Variants in GABRA3 observed in about 807,000 individuals in gnomAD.
The protein encoded by GABRA3 is gamma-aminobutyric acid type A receptor subunit alpha3.
A neutral mutation model predicts 30.1 loss-of-function variants in GABRA3; 10 were observed. The ratio of observed to expected loss-of-function variants is 0.33; its 90% CI spans 0.20 to 0.56. The LOEUF (loss-of-function observed/expected upper bound fraction) is 0.56. Ranked by LOEUF, GABRA3 falls within the 20% of genes least tolerant of loss-of-function variation. The pLI is 0.89. For missense variants in GABRA3, 233 were observed against 392.0 expected, an observed-to-expected ratio of 0.59 and a Z score of 3.42; for synonymous variants, 151 against 146.8, an observed-to-expected ratio of 1.03 and a Z score of -0.21.
intron 2 of GABRA3, among the ~76,000 whole-genome samples, chrX:152,363,907 C>T (rs1226902966): frequency 1.8e-5 from 2 of 111,726 alleles, no homozygotes; most frequent in African/African-American, 6.5e-5. Context: ...GCCATCTTGG[C>T]TGCAGAAGTT....
chrX:152,302,507 A>T (rs1296633248), intron 3 of GABRA3, among the ~76,000 whole-genome samples: 46 of 111,236 alleles, frequency 4.1e-4, no homozygotes, highest in Non-Finnish European at 5.7e-5. Flanking sequence ...TGGGGATGGG[A>T]CCCAAATCTA....
At chrX:152,445,212 G>A (rs1441044409) in intron 1 of GABRA3, among the ~76,000 whole-genome samples, 1 of 109,156 alleles carries the variant, frequency 9.2e-6, no homozygotes, top group South Asian at 3.9e-4. Flanking sequence ...ACATCAATAC[G>A]TTTAAAATCA....
At chrX:152,431,498 T>C (rs888361078) in intron 1 of GABRA3, among the ~76,000 whole-genome samples, 2 of 111,763 alleles carry the variant, frequency 1.8e-5, no homozygotes, top group South Asian at 3.7e-4. Context: ...AAATGAAAAG[T>C]AATGCTCTTA....
chrX:152,178,268 G>A (rs984785160), intron 9 of GABRA3, among the ~76,000 whole-genome samples: 108 of 109,025 alleles, frequency 9.9e-4, no homozygotes, highest in Middle Eastern at 4.7e-3. Flanking sequence ...GTGTGTGTGC[G>A]TGTGTGTGTG....
rs1188415434 is a variant in GABRA3, at chrX:152,424,936, T to C, written c.-27+26210A>G. On this transcript the variant is annotated intron_variant, in intron 1 of 9. Transcript: ENST00000370314. ...TATTTTCTTTTTCTTTTCTTTTTTT[T>C]TTTTTTTTTTTTTTTTTACAGGGTG... is the stretch of plus-strand genomic sequence containing the variant. 8.8e-5 allele frequency among the ~76,000 whole-genome samples: 8 copies of C among 91,358 alleles called. No individual in the cohort carries two copies. In the East Asian group the frequency reaches 1.0e-3, roughly 12 times the overall value. The allele number at this position is 91,358 out of a possible 115,157, so 79.3% of individuals were successfully genotyped here. A position where few individuals can be genotyped will look rare whatever the true frequency, so the allele number is the denominator to read the frequency against.
intron 9 of GABRA3, among the ~76,000 whole-genome samples, chrX:152,174,009 C>T (rs1937038976): frequency 1.8e-5 from 2 of 109,898 alleles, no homozygotes; most frequent in African/African-American, 6.6e-5. Flanking sequence ...TCTCATTGTT[C>T]AATTCCCACC....
chrX:152,379,362 C>A (rs1018938482), intron 1 of GABRA3, among the ~76,000 whole-genome samples: 12 of 111,071 alleles, frequency 1.1e-4, no homozygotes, highest in Non-Finnish European at 2.3e-4. Context: ...CTAAATAACT[C>A]ATGGTGAAAT....
chrX:152,334,248 C>T (rs1374320636), intron 3 of GABRA3, among the ~76,000 whole-genome samples: 1 of 111,565 alleles, frequency 9.0e-6, no homozygotes, highest in African/African-American at 3.2e-5. Context: ...AAAACCTACA[C>T]CTATCATCAT....
intron 1 of GABRA3, among the ~76,000 whole-genome samples, chrX:152,369,692 A>G (rs773088350): frequency 9.0e-6 from 1 of 111,379 alleles, no homozygotes; most frequent in Non-Finnish European, 1.9e-5. Context: ...CATTCCTCAT[A>G]CATCCTATAC....
In GABRA3 at chrX:152,199,284, T is replaced by C. The variant is rs898310631; in HGVS notation, c.779-1499A>G. 2.9e-5 allele frequency among the ~76,000 whole-genome samples: 3 copies of C among 103,828 alleles called. No individual in the cohort carries two copies. In the East Asian group the frequency reaches 8.8e-4, roughly 31 times the overall value. The allele number at this position is 103,828 out of a possible 115,157, so 90.2% of individuals were successfully genotyped here. ...GGGAGGCTGAGGCAGGAGAATGGCG[T>C]GAACCCAGGAGGCGGAGCTGGCAGT... On this transcript the variant is annotated intron_variant, in intron 7 of 9. Transcript: ENST00000370314.
chrX:152,343,447 C>CAAAA (rs201238204), intron 3 of GABRA3, among the ~76,000 whole-genome samples: 1 of 89,008 alleles, frequency 1.1e-5, no homozygotes. Flanking sequence ...ACCTCAAATC[C>CAAAA]AAAAAAAAAA....
intron 3 of GABRA3, among the ~76,000 whole-genome samples, chrX:152,287,276 T>G (rs1467229311): frequency 1.8e-5 from 2 of 111,183 alleles, no homozygotes; most frequent in Non-Finnish European, 3.8e-5. Context: ...TCTATAAAAT[T>G]TATAGGTAAT....
intron 9 of GABRA3, among the ~76,000 whole-genome samples, chrX:152,172,956 A>G (rs1251115914): frequency 1.4e-5 from 1 of 71,810 alleles, no homozygotes; most frequent in Admixed American, 1.7e-4. Context: ...ATGTGTACAC[A>G]CACACACACA....
chrX:152,176,989 A>G (rs978872521), intron 9 of GABRA3, among the ~76,000 whole-genome samples: 2 of 112,152 alleles, frequency 1.8e-5, no homozygotes, highest in African/African-American at 6.5e-5. Flanking sequence ...AATACCAAGG[A>G]CGAACAAGAA....
At chrX:152,365,961 T>C (rs1928647859) in intron 1 of GABRA3, among the ~76,000 whole-genome samples, 1 of 112,111 alleles carries the variant, frequency 8.9e-6, no homozygotes, top group Admixed American at 9.5e-5. Flanking sequence ...ATTTTGGTTT[T>C]ATCAAAGAAA....
At position 152,281,371 on chromosome X, in the gene GABRA3, C is replaced by A. The variant is rs748814051; in HGVS notation, c.330+3297G>T. Reference sequence around the variant, plus strand: ...ATAGTCTTCTTTGTTCTGTTTCTCTCCTAGGAGATCATGGACACAGGATTG... The same window carrying A: ...ATAGTCTTCTTTGTTCTGTTTCTCTACTAGGAGATCATGGACACAGGATTG... On this transcript the variant is annotated intron_variant, in intron 4 of 9. Transcript: ENST00000370314. Among the ~76,000 whole-genome samples the A allele has an allele frequency of 4.5e-5, 5 of 111,224 alleles. No individual in the cohort carries two copies. In the East Asian group the frequency reaches 1.4e-3, roughly 32 times the overall value.
chrX:152,351,920 G>C (rs1207305520), intron 2 of GABRA3, among the ~76,000 whole-genome samples: 1 of 111,170 alleles, frequency 9.0e-6, no homozygotes, highest in Non-Finnish European at 1.9e-5. Flanking sequence ...GAGAGACAGG[G>C]GAATGGCCCT....
At chrX:152,301,771 A>G (rs1286217825) in intron 3 of GABRA3, among the ~76,000 whole-genome samples, 1 of 111,110 alleles carries the variant, frequency 9.0e-6, no homozygotes, top group Non-Finnish European at 1.9e-5. Context: ...TGACCTCATG[A>G]TCTGCCCACC....
At chrX:152,416,687 A>G (rs1378761695) in intron 1 of GABRA3, among the ~76,000 whole-genome samples, 1 of 111,217 alleles carries the variant, frequency 9.0e-6, no homozygotes, top group Non-Finnish European at 1.9e-5. Context: ...ATATAGATCA[A>G]TGGAACAGAA....
Sources: allele counts gnomAD v4.1 joint callset (sites outside exome capture counted in the v4.1 genomes callset), GRCh38; gene constraint gnomAD v4.1.1; transcripts MANE v1.5; gene names NCBI Gene and HGNC (gene_info 2026-07-23, HGNC 2026-07-21).